The following JAKMIP3 variants were observed in gnomAD, a reference collection of about 807,000 sequenced individuals.
JAKMIP3 encodes the protein Janus kinase and microtubule interacting protein 3, also known as janus kinase and microtubule-interacting protein 3.
A neutral mutation model predicts 118.5 loss-of-function variants in JAKMIP3; 58 were observed. The ratio of observed to expected loss-of-function variants is 0.49; its 90% CI spans 0.40 to 0.61. JAKMIP3 has a LOEUF of 0.61. JAKMIP3 is among the 20% of genes least tolerant of loss of function. The pLI is 0.00. For synonymous variants in JAKMIP3, 486 were observed against 451.2 expected (o/e 1.08, Z -0.98); for missense variants, 950 against 1,109.0 (o/e 0.86, Z 2.04).
intron 1 of JAKMIP3, among the ~76,000 whole-genome samples, chr10:132,093,931 A>ATTT (rs35838926): frequency 3.8e-4 from 39 of 103,614 alleles, no homozygotes; most frequent in African/African-American, 8.1e-4. Flanking sequence ...TCTTGTATCT[A>ATTT]TTTTTTTTTT....
chr10:132,182,179 G>A (rs759373171), intron 23 of JAKMIP3, among the ~76,000 whole-genome samples, 178 bp from the exon 24 acceptor site: 3 of 152,220 alleles, frequency 2.0e-5, no homozygotes, highest in Non-Finnish European at 2.9e-5. Flanking sequence ...GGCTCAGGAC[G>A]TGGCGCTGTA....
intron 3 of JAKMIP3, among the ~76,000 whole-genome samples, chr10:132,122,297 C>T (rs953109268): frequency 2.7e-5 from 4 of 147,662 alleles, no homozygotes; most frequent in Admixed American, 6.7e-5. Context: ...GACTGCCCCC[C>T]GGTCGGCTCC....
At chr10:132,048,629 T>C (rs1184416898) in intron 1 of JAKMIP3, among the ~76,000 whole-genome samples, 1 of 151,838 alleles carries the variant, frequency 6.6e-6, no homozygotes, top group African/African-American at 2.4e-5. Context: ...CCTTACTTTC[T>C]GGAACCATCA....
intron 3 of JAKMIP3, among the ~76,000 whole-genome samples, chr10:132,127,219 C>CCTTTCTTTTTTTT (rs1564930473): frequency 7.1e-6 from 1 of 141,120 alleles, no homozygotes; most frequent in African/African-American, 2.7e-5. Flanking sequence ...TGACATTAGA[C>CCTTTCTTTTTTTT]TTTTCTTTTT....
intron 19 of JAKMIP3, among the ~76,000 whole-genome samples, chr10:132,155,890 TC>T (rs1382165742): frequency 5.3e-5 from 8 of 152,248 alleles, no homozygotes; most frequent in African/African-American, 1.7e-4. Flanking sequence ...CCTGAGTCCC[TC>T]CAGGTGGCCG....
At chr10:132,146,967 C>T (rs1756551238) in intron 13 of JAKMIP3, among the ~76,000 whole-genome samples, 1 of 152,150 alleles carries the variant, frequency 6.6e-6, no homozygotes, top group African/African-American at 2.4e-5. Flanking sequence ...CTTGAACACG[C>T]ACACACGTAA....
At chr10:132,139,565 A>AG in intron 9 of JAKMIP3, among the ~76,000 whole-genome samples, 1 of 126,634 alleles carries the variant, frequency 7.9e-6, no homozygotes, top group East Asian at 3.4e-4. Context: ...TCGCTGTTAG[A>AG]CTGTGAGATG....
intron 13 of JAKMIP3, 86 bp from the exon 14 acceptor site, chr10:132,147,866 C>A: frequency 3.1e-6 from 3 of 957,634 alleles, no homozygotes; most frequent in South Asian, 1.6e-5. Flanking sequence ...CAGCCAGCAG[C>A]TGTCCCGTCA....
At chr10:132,152,102 C>T (rs1340809857) in intron 16 of JAKMIP3, among the ~76,000 whole-genome samples, 2 of 152,218 alleles carry the variant, frequency 1.3e-5, no homozygotes, top group Non-Finnish European at 2.9e-5. Flanking sequence ...GAGATGAGGG[C>T]ACCTGGCCCC....
chr10:132,080,603 C>T (rs1184872559), intron 1 of JAKMIP3, among the ~76,000 whole-genome samples: 1 of 144,428 alleles, frequency 6.9e-6, no homozygotes, highest in Non-Finnish European at 1.5e-5. Context: ...CTCACTGCAA[C>T]CTCTGCTTCC....
chr10:132,093,433 A>G (rs981742935), intron 1 of JAKMIP3, among the ~76,000 whole-genome samples: 4 of 152,224 alleles, frequency 2.6e-5, no homozygotes, highest in African/African-American at 9.6e-5. Flanking sequence ...AGCCTCAGCA[A>G]TGGCGGGCGC....
chr10:132,124,005 C>T (rs900549422), intron 3 of JAKMIP3, among the ~76,000 whole-genome samples: 7 of 152,218 alleles, frequency 4.6e-5, no homozygotes, highest in African/African-American at 7.2e-5. Flanking sequence ...TGCCCACAGC[C>T]GAACTAACCC....
rs549977918 is a variant in JAKMIP3, at chr10:132,176,217, G to A, written c.*1104-6140G>A. 6.7e-4 allele frequency among the ~76,000 whole-genome samples: 102 copies of A among 152,356 alleles called. 1 individual carries two copies. Among genetic ancestry groups the A allele is most frequent in the Non-Finnish European group, 1.2e-3 (85 of 68,036 alleles). On this transcript the variant is annotated intron_variant, in intron 23 of 23. Transcript: ENST00000684848. ...GAGGGACTCTGCCCTGGGCTCAGCCGTGTGTTTGTCTGATGGCAGAAGCAG... is the reference window on the plus strand; with the variant it reads ...GAGGGACTCTGCCCTGGGCTCAGCCATGTGTTTGTCTGATGGCAGAAGCAG...
chr10:132,109,324 A>G (rs919863815), intron 2 of JAKMIP3, among the ~76,000 whole-genome samples: 2 of 152,164 alleles, frequency 1.3e-5, no homozygotes, highest in African/African-American at 2.4e-5. Flanking sequence ...TTTTTTAATT[A>G]AAAACATTTG....
At chr10:132,039,624 C>T (rs925591678) in intron 1 of JAKMIP3, among the ~76,000 whole-genome samples, 1 of 152,202 alleles carries the variant, frequency 6.6e-6, no homozygotes, top group African/African-American at 2.4e-5. Context: ...CACATCTGTG[C>T]ACTCCAGAGA....
intron 1 of JAKMIP3, among the ~76,000 whole-genome samples, chr10:132,042,410 C>G (rs4880308): frequency 0.88 from 133,878 of 152,190 alleles, 58,980 homozygotes; most frequent in East Asian, 1. Context: ...GGGTCTCTCT[C>G]TTGTCCATGC....
intron 11 of JAKMIP3, 102 bp downstream of exon 11, chr10:132,142,150 G>A (rs907136170): frequency 1.6e-5 from 21 of 1,301,356 alleles, no homozygotes; most frequent in African/African-American, 7.3e-5. Flanking sequence ...TCCTGGGCCC[G>A]GGCCCCTCCT....
chr10:132,139,318 G>GTA (rs72266673), intron 9 of JAKMIP3, among the ~76,000 whole-genome samples: 3 of 118,260 alleles, frequency 2.5e-5, no homozygotes, highest in Non-Finnish European at 5.3e-5. Flanking sequence ...GTGTGTATGT[G>GTA]TATGTGTGTG....
At chr10:132,139,148 G>A (rs1033685288) in intron 9 of JAKMIP3, among the ~76,000 whole-genome samples, 3 of 150,458 alleles carry the variant, frequency 2.0e-5, no homozygotes, top group Admixed American at 1.3e-4. Flanking sequence ...GTGTATGTGA[G>A]TATGAGTGTG....
Sources: gnomAD v4.1 joint callset for allele counts (sites outside exome capture counted in the v4.1 genomes callset) on GRCh38, gnomAD v4.1.1 for gene constraint, MANE v1.5 for transcripts, NCBI Gene and HGNC (gene_info 2026-07-23, HGNC 2026-07-21) for gene names.